ARHGEF3: variants seen among roughly 807,000 people sequenced by gnomAD.
ARHGEF3 encodes the protein 59.8 kDA protein.
Under a neutral mutation model 63.2 loss-of-function variants are expected in ARHGEF3, and 28 were observed. That is an observed-to-expected ratio of 0.44 (90% confidence interval 0.33 to 0.61). The LOEUF (loss-of-function observed/expected upper bound fraction) is 0.61. ARHGEF3 is among the 20% of genes least tolerant of loss of function. The pLI, the probability that ARHGEF3 is intolerant of heterozygous loss-of-function variation, is 0.03. For synonymous variants in ARHGEF3, 266 were observed against 254.2 expected, an observed-to-expected ratio of 1.05 and a Z score of -0.44; for missense variants, 533 against 659.3, an observed-to-expected ratio of 0.81 and a Z score of 2.10.
chr3:56,888,114 T>A (rs1328374494), intron 3 of ARHGEF3, among the ~76,000 whole-genome samples: 1 of 152,072 alleles, frequency 6.6e-6, no homozygotes, highest in African/African-American at 2.4e-5. Flanking sequence ...TTTTTTTTTT[T>A]TTTTTCTTAC....
chr3:57,020,976 T>C (rs1190420744), intron 2 of ARHGEF3, among the ~76,000 whole-genome samples: 1 of 152,260 alleles, frequency 6.6e-6, no homozygotes, highest in Non-Finnish European at 1.5e-5. Context: ...GTTGGTCTAA[T>C]GGATGAATGG....
intron 2 of ARHGEF3, among the ~76,000 whole-genome samples, chr3:56,974,082 T>C (rs561107862): frequency 1.3e-5 from 2 of 152,286 alleles, no homozygotes; most frequent in African/African-American, 4.8e-5. Flanking sequence ...CAAGACTCTG[T>C]CTCCAATATA....
At chr3:57,063,255 G>A (rs113148240) in intron 1 of ARHGEF3, among the ~76,000 whole-genome samples, 57 of 151,398 alleles carry the variant, frequency 3.8e-4, no homozygotes, top group African/African-American at 1.4e-3. Flanking sequence ...GAGTCAGAGA[G>A]GAAATGCAGC....
At chr3:57,062,254 C>T (rs1027535353) in intron 1 of ARHGEF3, among the ~76,000 whole-genome samples, 3 of 152,348 alleles carry the variant, frequency 2.0e-5, no homozygotes, top group South Asian at 4.1e-4. Flanking sequence ...ACTGCTCTAG[C>T]GCTGGGTGAG....
chr3:56,967,663 A>G (rs1323791636), intron 2 of ARHGEF3, among the ~76,000 whole-genome samples: 11 of 86,110 alleles, frequency 1.3e-4, no homozygotes. Flanking sequence ...AATAGCTATT[A>G]TATATAATAC....
intron 1 of ARHGEF3, among the ~76,000 whole-genome samples, chr3:57,037,529 C>T (rs1294227840): frequency 2.6e-5 from 4 of 152,196 alleles, no homozygotes; most frequent in Non-Finnish European, 5.9e-5. Flanking sequence ...GAGCTTTAGG[C>T]TTTTCCTTTC....
intron 1 of ARHGEF3, among the ~76,000 whole-genome samples, chr3:56,795,775 T>C (rs960931082): frequency 1.3e-5 from 2 of 151,554 alleles, no homozygotes; most frequent in African/African-American, 4.9e-5. Context: ...CTGAGTAGCT[T>C]GGATTACAGG....
At chr3:56,833,392 T>G (rs1433566609) in intron 4 of ARHGEF3, among the ~76,000 whole-genome samples, 3 of 152,228 alleles carry the variant, frequency 2.0e-5, no homozygotes, top group African/African-American at 7.2e-5. Flanking sequence ...TTTGTATATA[T>G]TCTTTGGAGA....
At chr3:56,805,526 T>G (rs1409346721), upstream of ARHGEF3, among the ~76,000 whole-genome samples, 4 of 152,248 alleles carry the variant, frequency 2.6e-5, no homozygotes, top group Non-Finnish European at 2.9e-5. Flanking sequence ...TAAGCCACTG[T>G]GCCTGGCCTC....
intron 6 of ARHGEF3, 49 bp from the exon 7 acceptor site, chr3:56,745,511 T>C: frequency 6.3e-7 from 1 of 1,595,552 alleles, no homozygotes. Context: ...ATAATTGAGC[T>C]CTGAGGCTAC....
chr3:56,977,738 A>G (rs996477084), intron 2 of ARHGEF3, among the ~76,000 whole-genome samples: 12 of 152,166 alleles, frequency 7.9e-5, no homozygotes, highest in African/African-American at 2.4e-4. Context: ...CCAGCTGGCT[A>G]TCTTGTGGCC....
chr3:57,054,964 TA>T (rs758372550), intron 1 of ARHGEF3, among the ~76,000 whole-genome samples: 5 of 152,078 alleles, frequency 3.3e-5, no homozygotes, highest in African/African-American at 4.8e-5. Flanking sequence ...AATTTTTTTG[TA>T]AATAAAATTG....
At chr3:57,041,190 G>A (rs1704172931) in intron 1 of ARHGEF3, among the ~76,000 whole-genome samples, 1 of 152,154 alleles carries the variant, frequency 6.6e-6, no homozygotes, top group Non-Finnish European at 1.5e-5. Context: ...AACTTCCAGT[G>A]CTAATTAATA....
At chr3:56,769,107 A>G (rs901478991) in intron 2 of ARHGEF3, among the ~76,000 whole-genome samples, 1 of 152,230 alleles carries the variant, frequency 6.6e-6, no homozygotes, top group East Asian at 1.9e-4. Context: ...CATAATGAAC[A>G]TTCACTTTTA....
chr3:56,827,797 G>A (rs2038784726), intron 4 of ARHGEF3, among the ~76,000 whole-genome samples: 1 of 143,168 alleles, frequency 7.0e-6, no homozygotes, highest in South Asian at 2.3e-4. Flanking sequence ...AAAAAGCCAG[G>A]CATGGTCGCA....
At chr3:56,938,533 T>C (rs1699017714) in intron 3 of ARHGEF3, 1 of 152,194 alleles carries the variant, frequency 6.6e-6, no homozygotes, top group Admixed American at 6.5e-5. Context: ...CTAATATTCA[T>C]GAGGCATCTG....
intron 3 of ARHGEF3, among the ~76,000 whole-genome samples, chr3:56,954,955 C>A (rs986062183): frequency 3.9e-5 from 6 of 152,180 alleles, no homozygotes; most frequent in African/African-American, 1.4e-4. Context: ...CTCAGCAAGA[C>A]TTTCTTTAAA....
intron 3 of ARHGEF3, among the ~76,000 whole-genome samples, chr3:56,913,148 TA>T (rs1194064002): frequency 6.3e-4 from 41 of 65,076 alleles, no homozygotes; most frequent in Non-Finnish European, 8.1e-4. Context: ...CCTTGTCTCC[TA>T]AAAAAAAAAA....
At chr3:56,962,481 G>A (rs1024571231) in intron 2 of ARHGEF3, among the ~76,000 whole-genome samples, 3 of 152,322 alleles carry the variant, frequency 2.0e-5, no homozygotes, top group African/African-American at 7.2e-5. Flanking sequence ...TGTGCATGGT[G>A]TACACACATG....
Sources: gnomAD v4.1 joint callset for allele counts (sites outside exome capture counted in the v4.1 genomes callset) on GRCh38, gnomAD v4.1.1 for gene constraint, MANE v1.5 for transcripts, NCBI Gene and HGNC (gene_info 2026-07-23, HGNC 2026-07-21) for gene names.